The following GPC5 variants were observed in gnomAD, a reference collection of about 807,000 sequenced individuals.
GPC5 encodes glypican-5.
In GPC5, 47 loss-of-function variants were observed where a neutral mutation model predicts 53.9. That is an observed-to-expected ratio of 0.87 (90% confidence interval 0.69 to 1.11). The LOEUF (loss-of-function observed/expected upper bound fraction) is 1.11, where lower values mean the gene tolerates loss of function less well. GPC5 is among the 50% of genes most tolerant of loss of function. The pLI is 0.00. For synonymous variants in GPC5, 286 were observed against 263.3 expected (o/e 1.09, Z -0.84); for missense variants, 748 against 713.1 (o/e 1.05, Z -0.56).
chr13:92,841,965 T>C (rs901756299), intron 7 of GPC5, among the ~76,000 whole-genome samples: 1 of 152,144 alleles, frequency 6.6e-6, no homozygotes, highest in African/African-American at 2.4e-5. Context: ...ATGTTCAGGG[T>C]TTTTGTTTCT....
At chr13:92,577,837 A>G (rs1883238368) in intron 7 of GPC5, among the ~76,000 whole-genome samples, 1 of 152,224 alleles carries the variant, frequency 6.6e-6, no homozygotes, top group African/African-American at 2.4e-5. Context: ...TGGTTACAAG[A>G]AAAATAAAAC....
chr13:91,795,422 A>G (rs1289303627), intron 5 of GPC5, among the ~76,000 whole-genome samples: 2 of 152,182 alleles, frequency 1.3e-5, no homozygotes, highest in Non-Finnish European at 2.9e-5. Flanking sequence ...TTTTGGGATC[A>G]TTTTGTTGTA....
At chr13:92,442,853 T>G (rs1020382663) in intron 7 of GPC5, among the ~76,000 whole-genome samples, 1 of 152,200 alleles carries the variant, frequency 6.6e-6, no homozygotes, top group Non-Finnish European at 1.5e-5. Flanking sequence ...ACAATAAATT[T>G]TTTTTCTCAC....
chr13:92,187,553 T>TA (rs1198316672), intron 7 of GPC5, among the ~76,000 whole-genome samples: 4 of 152,174 alleles, frequency 2.6e-5, no homozygotes, highest in African/African-American at 4.8e-5. Flanking sequence ...CTTTGCACAA[T>TA]AAAAAGCAAT....
chr13:92,076,297 G>A (rs1235028398), intron 6 of GPC5, among the ~76,000 whole-genome samples: 2 of 152,042 alleles, frequency 1.3e-5, no homozygotes, highest in Non-Finnish European at 2.9e-5. Context: ...AGCCAGGATG[G>A]TCTCGATCTC....
chr13:91,973,025 T>C (rs568844372), intron 6 of GPC5, among the ~76,000 whole-genome samples: 10 of 152,334 alleles, frequency 6.6e-5, no homozygotes, highest in South Asian at 2.1e-4. Context: ...CCTTGCTAGA[T>C]TGGGGGAGTT....
At chr13:92,485,490 G>C (rs1418702585) in intron 7 of GPC5, among the ~76,000 whole-genome samples, 1 of 151,740 alleles carries the variant, frequency 6.6e-6, no homozygotes, top group Non-Finnish European at 1.5e-5. Context: ...AGTTCATCAA[G>C]AGTAGAAAAA....
intron 7 of GPC5, among the ~76,000 whole-genome samples, chr13:92,179,874 A>G (rs867209628): frequency 7.2e-5 from 11 of 152,232 alleles, no homozygotes; most frequent in Non-Finnish European, 1.5e-4. Context: ...ATGAAAACGT[A>G]TAGGTGAATT....
At chr13:91,973,866 C>T (rs1002431965) in intron 6 of GPC5, among the ~76,000 whole-genome samples, 4 of 152,112 alleles carry the variant, frequency 2.6e-5, no homozygotes, top group African/African-American at 4.8e-5. Context: ...GAGGAGTACC[C>T]GGCCGTGTGA....
chr13:91,571,439 A>G (rs963682530), intron 2 of GPC5, among the ~76,000 whole-genome samples: 4 of 152,098 alleles, frequency 2.6e-5, no homozygotes, highest in African/African-American at 9.7e-5. Flanking sequence ...TTGCCAAGTA[A>G]GGATGCCTCA....
chr13:92,780,720 A>T (rs1875992499), intron 7 of GPC5, among the ~76,000 whole-genome samples: 1 of 152,088 alleles, frequency 6.6e-6, no homozygotes, highest in Non-Finnish European at 1.5e-5. Context: ...TCTTTAAATA[A>T]CAGCAATAAA....
chr13:92,832,359 A>C (rs1290555380), intron 7 of GPC5, among the ~76,000 whole-genome samples: 1 of 152,236 alleles, frequency 6.6e-6, no homozygotes. Flanking sequence ...AGAACTAAAA[A>C]CTAGAACACA....
chr13:91,982,877 C>T (rs181752531), intron 6 of GPC5, among the ~76,000 whole-genome samples: 8 of 151,954 alleles, frequency 5.3e-5, no homozygotes, highest in Admixed American at 2.6e-4. Flanking sequence ...GAAGAGCTTC[C>T]GAGTCAGGGT....
intron 7 of GPC5, among the ~76,000 whole-genome samples, chr13:92,752,939 G>A (rs769482701): frequency 7.2e-5 from 11 of 152,196 alleles, no homozygotes; most frequent in Non-Finnish European, 1.0e-4. Flanking sequence ...GCCCAGGCTT[G>A]CTTAGGCAAA....
At chr13:92,119,961 A>G (rs2041635431) in intron 6 of GPC5, among the ~76,000 whole-genome samples, 3 of 152,154 alleles carry the variant, frequency 2.0e-5, no homozygotes. Flanking sequence ...GCCCACTAGG[A>G]GTGGTCATGA....
intron 5 of GPC5, among the ~76,000 whole-genome samples, chr13:91,808,137 A>G (rs949477043): frequency 3.3e-5 from 5 of 152,178 alleles, no homozygotes; most frequent in African/African-American, 4.8e-5. Context: ...TTCGTATACT[A>G]CATGTAGTAT....
Position 91,970,809 on chromosome 13 carries a change from A to T in GPC5, c.1401+62752A>T, listed in dbSNP as rs550796281. ...GTTGAACCAACCTTGCATCCCAGGG[A>T]TGAAGCCCACTTGATCATGGTGGAT... On this transcript the variant is annotated intron_variant, in intron 6 of 7. Coordinates refer to ENST00000377067, the MANE Select transcript of GPC5 (RefSeq NM_004466.6). 8.5e-5 allele frequency among the ~76,000 whole-genome samples: 13 copies of T among 152,296 alleles called. No homozygotes were observed. In the South Asian group the frequency reaches 2.7e-3, roughly 32 times the overall value.
intron 7 of GPC5, chr13:92,449,148 T>C (rs1877955050): frequency 6.6e-6 from 1 of 152,078 alleles, no homozygotes; most frequent in Admixed American, 6.5e-5. Context: ...AAAAATGTGA[T>C]ATTCAAGGTT....
In GPC5 at chr13:92,078,927, C is replaced by G. The variant is rs143930895; in HGVS notation, c.1402-65903C>G. 1.6e-4 allele frequency among the ~76,000 whole-genome samples: 24 copies of G among 152,302 alleles called. No individual in the cohort carries two copies. The East Asian group carries it at 4.0e-3, about 26-fold the overall frequency. On this transcript the variant is annotated intron_variant, in intron 6 of 7. Coordinates refer to ENST00000377067, the MANE Select transcript of GPC5 (RefSeq NM_004466.6). ...CCACCTTTTTGTCAATACACAAACACCTGTGATTTTCCTTGAGACCTCAGA... is the reference window on the plus strand; with the variant it reads ...CCACCTTTTTGTCAATACACAAACAGCTGTGATTTTCCTTGAGACCTCAGA...
Sources: gnomAD v4.1 joint callset for allele counts (sites outside exome capture counted in the v4.1 genomes callset) on GRCh38, gnomAD v4.1.1 for gene constraint, MANE v1.5 for transcripts, NCBI Gene and HGNC (gene_info 2026-07-23, HGNC 2026-07-21) for gene names.